Variants in SHROOM3 observed in about 807,000 individuals in gnomAD.
SHROOM3 encodes the protein shroom family member 3.
Under a neutral mutation model 138.6 loss-of-function variants are expected in SHROOM3, and 47 were observed. The ratio of observed to expected loss-of-function variants is 0.34; its 90% CI spans 0.27 to 0.43. The LOEUF (loss-of-function observed/expected upper bound fraction) is 0.43. SHROOM3 is among the 20% of genes least tolerant of loss of function. SHROOM3 has a pLI of 1.00. For missense variants in SHROOM3, 2,491 were observed against 2,596.5 expected (o/e 0.96, Z 0.88); for synonymous variants, 1,062 against 1,063.3 (o/e 1.00, Z 0.02).
intron 1 of SHROOM3, among the ~76,000 whole-genome samples, chr4:76,530,970 G>T (rs924288373): frequency 7.9e-5 from 12 of 152,122 alleles, no homozygotes; most frequent in Non-Finnish European, 1.8e-4. Context: ...TTGTCCTAGG[G>T]TACATTGCAT....
At chr4:76,773,600 T>C (rs34106002) in intron 10 of SHROOM3, among the ~76,000 whole-genome samples, 25,936 of 152,042 alleles carry the variant, frequency 0.17, 2,545 homozygotes, top group East Asian at 0.23. Context: ...AAGGGAGCCC[T>C]GATCAGAACC....
intron 2 of SHROOM3, chr4:76,688,746 T>A (rs938898191): frequency 4.1e-6 from 4 of 985,228 alleles, no homozygotes; most frequent in African/African-American, 1.7e-5. Context: ...AATTCCAAAG[T>A]TTGCAAAGCT....
At chr4:76,549,180 A>G (rs983967391) in intron 1 of SHROOM3, among the ~76,000 whole-genome samples, 2 of 152,150 alleles carry the variant, frequency 1.3e-5, no homozygotes. Flanking sequence ...TTTAAGATAA[A>G]TTGTGTGGAT....
intron 10 of SHROOM3, among the ~76,000 whole-genome samples, chr4:76,778,516 C>T (rs1227423729): frequency 2.0e-5 from 3 of 152,096 alleles, no homozygotes; most frequent in Non-Finnish European, 4.4e-5. Context: ...GCCACCAAGC[C>T]CAGCTGATGA....
intron 1 of SHROOM3, among the ~76,000 whole-genome samples, chr4:76,487,603 A>G (rs1731759462): frequency 6.7e-6 from 1 of 150,152 alleles, no homozygotes. Flanking sequence ...CCTCCGCCTT[A>G]CAATCCCCAT....
chr4:76,594,209 C>T (rs1734334485), intron 2 of SHROOM3, among the ~76,000 whole-genome samples: 1 of 152,180 alleles, frequency 6.6e-6, no homozygotes, highest in African/African-American at 2.4e-5. Flanking sequence ...ATTTCTCATC[C>T]ACAAAATGTC....
chr4:76,472,777 C>T (rs1731403799), intron 1 of SHROOM3, among the ~76,000 whole-genome samples: 1 of 151,928 alleles, frequency 6.6e-6, no homozygotes, highest in Non-Finnish European at 1.5e-5. Context: ...TCACTGCAAC[C>T]TCCGTGTCCT....
intron 2 of SHROOM3, among the ~76,000 whole-genome samples, chr4:76,630,274 C>T (rs1304258152): frequency 6.6e-6 from 1 of 152,156 alleles, no homozygotes; most frequent in Non-Finnish European, 1.5e-5. Context: ...ACAGCGGGAC[C>T]AGGAGTGCCT....
chr4:76,467,081 C>T (rs564712603), intron 1 of SHROOM3, among the ~76,000 whole-genome samples: 4 of 148,810 alleles, frequency 2.7e-5, no homozygotes, highest in Non-Finnish European at 5.9e-5. Flanking sequence ...CTCACTCTGT[C>T]ACCCAGGCCG....
At chr4:76,772,976 A>C (rs2109794271) in intron 10 of SHROOM3, among the ~76,000 whole-genome samples, 1 of 152,306 alleles carries the variant, frequency 6.6e-6, no homozygotes, top group South Asian at 2.1e-4. Flanking sequence ...CATTTAGAAG[A>C]AATACCATAG....
At chr4:76,701,911 C>T (rs1289227854) in intron 2 of SHROOM3, among the ~76,000 whole-genome samples, 4 of 152,046 alleles carry the variant, frequency 2.6e-5, no homozygotes, top group Admixed American at 6.6e-5. Flanking sequence ...CCCTTAGACT[C>T]ATTCTATTAA....
intron 1 of SHROOM3, among the ~76,000 whole-genome samples, chr4:76,495,249 G>A (rs1731939981): frequency 6.6e-6 from 1 of 152,214 alleles, no homozygotes; most frequent in Non-Finnish European, 1.5e-5. Flanking sequence ...AACTGGATTG[G>A]TATCCCCAGC....
intron 2 of SHROOM3, among the ~76,000 whole-genome samples, chr4:76,580,589 G>T (rs576348269): frequency 6.6e-6 from 1 of 151,990 alleles, no homozygotes; most frequent in South Asian, 2.1e-4. Flanking sequence ...ACCACACCTG[G>T]CTAATTTTGT....
chr4:76,751,859 G>T (rs768473704), intron 6 of SHROOM3, among the ~76,000 whole-genome samples: 5 of 152,228 alleles, frequency 3.3e-5, no homozygotes, highest in Non-Finnish European at 7.3e-5. Flanking sequence ...CACACTGTTA[G>T]TGGGAATGTA....
chr4:76,656,023 C>T lies in SHROOM3; in HGVS notation c.324-54133C>T, dbSNP rs1302641631. ...TTAGAGACTCGTGGAGACCATTCTG[C>T]TGTGGCCTGTTCTTACCCTGCTGTA... On this transcript the variant is annotated intron_variant, in intron 2 of 10. Coordinates refer to ENST00000296043, the MANE Select transcript of SHROOM3 (RefSeq NM_020859.4). Among the ~76,000 whole-genome samples the T allele has an allele frequency of 2.6e-5, 4 of 152,176 alleles. No homozygotes were observed. In the South Asian group the frequency reaches 6.2e-4, roughly 24 times the overall value.
intron 2 of SHROOM3, among the ~76,000 whole-genome samples, chr4:76,707,510 C>A (rs1216690502): frequency 6.6e-6 from 1 of 152,044 alleles, no homozygotes; most frequent in Non-Finnish European, 1.5e-5. Flanking sequence ...ATTGGCGCAC[C>A]AGTGGGGCAC....
At chr4:76,527,478 G>T (rs769177634) in intron 1 of SHROOM3, among the ~76,000 whole-genome samples, 2 of 152,244 alleles carry the variant, frequency 1.3e-5, no homozygotes, top group Non-Finnish European at 2.9e-5. Flanking sequence ...AGCTACTCGG[G>T]AGGCTGAGGT....
At chr4:76,655,733 G>T (rs1009289535) in intron 2 of SHROOM3, among the ~76,000 whole-genome samples, 4 of 152,144 alleles carry the variant, frequency 2.6e-5, no homozygotes, top group South Asian at 2.1e-4. Flanking sequence ...GCAGTGACAG[G>T]TCTCATCGTC....
chr4:76,680,792 G>C (rs547204602), intron 2 of SHROOM3, among the ~76,000 whole-genome samples: 11 of 152,290 alleles, frequency 7.2e-5, no homozygotes, highest in African/African-American at 2.2e-4. Context: ...CTGCAGCCAG[G>C]ACTCAAATTT....
Sources: gnomAD v4.1 joint callset for allele counts (sites outside exome capture counted in the v4.1 genomes callset) on GRCh38, gnomAD v4.1.1 for gene constraint, MANE v1.5 for transcripts, NCBI Gene and HGNC (gene_info 2026-07-23, HGNC 2026-07-21) for gene names.